The following WDR7 variants were observed in gnomAD, a reference collection of about 807,000 sequenced individuals.
WDR7 encodes the protein WD repeat domain 7, also known as WD repeat-containing protein 7.
A neutral mutation model predicts 169.4 loss-of-function variants in WDR7; 46 were observed. The observed-to-expected ratio is 0.27, with a 90% CI of 0.21 to 0.35. The LOEUF (loss-of-function observed/expected upper bound fraction) is 0.35, where lower values mean the gene tolerates loss of function less well. WDR7 is among the 10% of genes least tolerant of loss of function. The pLI is 1.00. For synonymous variants in WDR7, 612 were observed against 666.8 expected (o/e 0.92, Z 1.27); for missense variants, 1,534 against 1,859.3 (o/e 0.83, Z 3.22).
chr18:56,813,015 C>T (rs2044898762), intron 19 of WDR7, among the ~76,000 whole-genome samples: 1 of 132,356 alleles, frequency 7.6e-6, no homozygotes, highest in East Asian at 2.2e-4. Context: ...GAATATCACA[C>T]TCTGGGGACT....
intron 5 of WDR7, among the ~76,000 whole-genome samples, chr18:56,685,088 T>C (rs2025418590): frequency 6.6e-6 from 1 of 152,204 alleles, no homozygotes; most frequent in South Asian, 2.1e-4. Context: ...TCAATTAATT[T>C]CAATGCCTTA....
chr18:56,986,336 A>G (rs1479415977), intron 26 of WDR7, among the ~76,000 whole-genome samples: 4 of 152,200 alleles, frequency 2.6e-5, no homozygotes, highest in Non-Finnish European at 5.9e-5. Flanking sequence ...ATTTAAGAAA[A>G]GGATCTTGCT....
At chr18:56,736,486 G>C (rs2144829949) in intron 14 of WDR7, among the ~76,000 whole-genome samples, 1 of 151,594 alleles carries the variant, frequency 6.6e-6, no homozygotes, top group Middle Eastern at 3.4e-3. Flanking sequence ...GAAATTTGAA[G>C]ACAGAATGCC....
At chr18:56,980,965 T>G (rs903486339) in intron 26 of WDR7, among the ~76,000 whole-genome samples, 1 of 152,238 alleles carries the variant, frequency 6.6e-6, no homozygotes, top group Admixed American at 6.5e-5. Context: ...CATTATCTGA[T>G]CTACCCTTTT....
At chr18:56,875,013 A>G (rs2046004211) in intron 20 of WDR7, among the ~76,000 whole-genome samples, 1 of 152,086 alleles carries the variant, frequency 6.6e-6, no homozygotes, top group South Asian at 2.1e-4. Context: ...TATAATTTCC[A>G]TTTCTTAGAC....
At chr18:56,678,305 G>A (rs1400817378) in intron 2 of WDR7, among the ~76,000 whole-genome samples, 2 of 152,148 alleles carry the variant, frequency 1.3e-5, no homozygotes, top group Non-Finnish European at 2.9e-5. Context: ...GTGAGGTTGT[G>A]TTTTCCTGGA....
chr18:56,874,725 G>T (rs776620116), intron 20 of WDR7, among the ~76,000 whole-genome samples: 7 of 151,752 alleles, frequency 4.6e-5, no homozygotes, highest in Non-Finnish European at 1.0e-4. Flanking sequence ...TTTCCTTTCT[G>T]TACACTACCT....
intron 20 of WDR7, among the ~76,000 whole-genome samples, chr18:56,818,908 A>AT: frequency 6.6e-6 from 1 of 152,182 alleles, no homozygotes; most frequent in Admixed American, 6.5e-5. Flanking sequence ...AGTAGTAATT[A>AT]TATCATGACA....
downstream of WDR7, chr18:57,033,345 G>C (rs1192141610): frequency 2.6e-5 from 4 of 152,158 alleles, no homozygotes; most frequent in East Asian, 5.8e-4. Flanking sequence ...ATTTATAGAA[G>C]TCAAAGTTTT....
intron 16 of WDR7, among the ~76,000 whole-genome samples, chr18:56,770,429 T>C (rs1440008516): frequency 6.6e-6 from 1 of 152,232 alleles, no homozygotes; most frequent in Non-Finnish European, 1.5e-5. Flanking sequence ...TCTTTTACAA[T>C]GAACTCTCTC....
At chr18:56,949,259 C>T (rs550516417) in intron 25 of WDR7, among the ~76,000 whole-genome samples, 39 of 152,088 alleles carry the variant, frequency 2.6e-4, no homozygotes, top group Non-Finnish European at 5.7e-4. Context: ...AATTGAAGAC[C>T]TGAGTTTTTG....
intron 20 of WDR7, among the ~76,000 whole-genome samples, chr18:56,874,433 T>C (rs945434757): frequency 6.6e-6 from 1 of 152,020 alleles, no homozygotes; most frequent in Non-Finnish European, 1.5e-5. Context: ...ACTAAAACTT[T>C]CCATGAAGAG....
chr18:56,996,414 T>A (rs575696182), intron 26 of WDR7, among the ~76,000 whole-genome samples: 137 of 152,340 alleles, frequency 9.0e-4, no homozygotes, highest in African/African-American at 3.2e-3. Flanking sequence ...TCATACATCA[T>A]AGAAAGCATT....
intron 25 of WDR7, among the ~76,000 whole-genome samples, chr18:56,957,785 A>G (rs892101458): frequency 6.6e-6 from 1 of 152,126 alleles, no homozygotes; most frequent in Non-Finnish European, 1.5e-5. Context: ...AGATGGTTTC[A>G]TGTGAAGCTG....
chr18:56,989,024 A>C (rs2145851815), intron 26 of WDR7, among the ~76,000 whole-genome samples: 1 of 152,062 alleles, frequency 6.6e-6, no homozygotes, highest in South Asian at 2.1e-4. Context: ...CTCTTAAAGG[A>C]GAAAAAGATG....
In WDR7 at chr18:56,775,128, C is replaced by T. The variant is rs139615397; in HGVS notation, c.2849-1654C>T. On this transcript the variant is annotated intron_variant, in intron 16 of 27. Coordinates refer to ENST00000254442, the MANE Select transcript of WDR7 (RefSeq NM_015285.3). ...TGTGTTAGGGTAATGACCACTCAAT[C>T]CTAAACTTTTATTCATTTGTATTGA... is the stretch of plus-strand genomic sequence containing the variant. Among the ~76,000 whole-genome samples the T allele has an allele frequency of 3.5e-3, 539 of 152,200 alleles. 9 individuals carry two copies. The highest frequency in any genetic ancestry group is 0.027 in the South Asian group (130 of 4,824).
intron 21 of WDR7, among the ~76,000 whole-genome samples, chr18:56,916,495 A>T (rs1437450086): frequency 6.6e-6 from 1 of 152,118 alleles, no homozygotes; most frequent in Non-Finnish European, 1.5e-5. Context: ...TATGTGCCAC[A>T]TTTTCTTAAT....
rs79685299 is a variant in WDR7 at position 56,955,210 on chromosome 18, A to G, written c.4065-7220A>G. ...ATAAATAATTATAGATGTTACTTCT[A>G]TATTCACAAGTAGAACTCCCTCTAA... On this transcript the variant is annotated intron_variant, in intron 25 of 27. Transcript: ENST00000254442. 4.8e-3 allele frequency among the ~76,000 whole-genome samples: 727 copies of G among 152,294 alleles called. 8 individuals carry two copies. Among genetic ancestry groups the G allele is most frequent in the African/African-American group, 0.016 (677 of 41,584 alleles).
chr18:56,849,712 C>T (rs1337134567), intron 20 of WDR7, among the ~76,000 whole-genome samples: 2 of 152,302 alleles, frequency 1.3e-5, no homozygotes, highest in South Asian at 2.1e-4. Flanking sequence ...TCATTCAAAT[C>T]ATGTCACTTT....
Sources: allele counts gnomAD v4.1 joint callset (sites outside exome capture counted in the v4.1 genomes callset), GRCh38; gene constraint gnomAD v4.1.1; transcripts MANE v1.5; gene names NCBI Gene and HGNC (gene_info 2026-07-23, HGNC 2026-07-21).